The following TBC1D5 variants were observed in gnomAD, a reference collection of about 807,000 sequenced individuals.
The protein encoded by TBC1D5 is TBC1 domain family, member 5.
In TBC1D5, 75 loss-of-function variants were observed where a neutral mutation model predicts 100.3. The observed-to-expected ratio is 0.75, with a 90% CI of 0.62 to 0.91. The LOEUF is 0.91. Ranked by LOEUF, TBC1D5 falls within the 40% of genes least tolerant of loss-of-function variation. TBC1D5 has a pLI of 0.00. For synonymous variants in TBC1D5, 323 were observed against 325.6 expected (o/e 0.99, Z 0.09); for missense variants, 910 against 942.4 (o/e 0.97, Z 0.45).
chr3:17,634,505 T>C (rs1281170898), intron 1 of TBC1D5, among the ~76,000 whole-genome samples: 1 of 152,042 alleles, frequency 6.6e-6, no homozygotes, highest in Non-Finnish European at 1.5e-5. Flanking sequence ...TTCTCACTTA[T>C]TTGTGGGATC....
chr3:17,217,808 G>GT (rs1286217769), intron 17 of TBC1D5, among the ~76,000 whole-genome samples: 3 of 151,996 alleles, frequency 2.0e-5, no homozygotes. Context: ...TCTGTTCTGT[G>GT]TATATCTTTT....
intron 1 of TBC1D5, among the ~76,000 whole-genome samples, chr3:17,724,422 TTGAGA>T (rs2075956461): frequency 6.6e-6 from 1 of 152,126 alleles, no homozygotes; most frequent in Non-Finnish European, 1.5e-5. Flanking sequence ...TTCCAGCACA[TTGAGA>T]TATCACTCCA....
intron 9 of TBC1D5, 101 bp downstream of exon 9, chr3:17,383,812 A>C: frequency 1.2e-6 from 1 of 862,250 alleles, no homozygotes; most frequent in Non-Finnish European, 1.8e-6. Context: ...ATTATGATAC[A>C]ACTTTGGATA....
chr3:17,373,648 A>G (rs957228769), intron 12 of TBC1D5, among the ~76,000 whole-genome samples: 1 of 152,198 alleles, frequency 6.6e-6, no homozygotes, highest in Non-Finnish European at 1.5e-5. Flanking sequence ...AAAATGTGGT[A>G]TATCTATATA....
intron 3 of TBC1D5, among the ~76,000 whole-genome samples, chr3:17,473,359 A>G (rs142264200): frequency 6.6e-5 from 10 of 152,368 alleles, no homozygotes; most frequent in Middle Eastern, 3.4e-3. Context: ...ATTTTAAAAT[A>G]TGTGACTTTG....
intron 13 of TBC1D5, among the ~76,000 whole-genome samples, chr3:17,367,082 G>A (rs1472767012): frequency 6.6e-6 from 1 of 152,152 alleles, no homozygotes; most frequent in African/African-American, 2.4e-5. Flanking sequence ...ATATCCCACA[G>A]ATGCCTATTA....
intron 2 of TBC1D5, among the ~76,000 whole-genome samples, chr3:17,599,309 C>G (rs903469197): frequency 4.6e-5 from 7 of 152,080 alleles, no homozygotes; most frequent in Admixed American, 1.3e-4. Context: ...ATAAAACCCC[C>G]CAAACTCCAC....
In TBC1D5 at chr3:17,251,475, C is replaced by T. The variant is rs887536698; in HGVS notation, c.1331+7031G>A. Among the ~76,000 whole-genome samples the T allele has an allele frequency of 2.3e-5, 3 of 130,638 alleles. No homozygotes were observed. The East Asian group carries it at 8.2e-4, about 36-fold the overall frequency. The allele number at this position is 130,638 out of a possible 152,430, so 85.7% of individuals were successfully genotyped here. On this transcript the variant is annotated intron_variant, in intron 16 of 21. Transcript: ENST00000253692. ...TTAGAAGTGGAGGTTAGACAAGAGA[C>T]AGGCACACATATGGAAAGCAGGCGG...
intron 2 of TBC1D5, among the ~76,000 whole-genome samples, chr3:17,593,819 C>T (rs1273537147): frequency 2.6e-5 from 4 of 152,168 alleles, no homozygotes; most frequent in Admixed American, 2.0e-4. Context: ...ACAATTACAA[C>T]GCCAACTAGG....
At chr3:17,581,176 C>T (rs1426247939) in intron 2 of TBC1D5, among the ~76,000 whole-genome samples, 2 of 152,186 alleles carry the variant, frequency 1.3e-5, no homozygotes, top group Non-Finnish European at 2.9e-5. Context: ...TGCCATGTAA[C>T]ACAGGTCTTT....
chr3:17,160,120 A>ATATC (rs1341235708), exon 22 of TBC1D5: 1 of 152,230 alleles, frequency 6.6e-6, no homozygotes, highest in Non-Finnish European at 1.5e-5. Flanking sequence ...TAATATTCTT[A>ATATC]TATCTTTTGA....
At chr3:17,269,571 T>C (rs2079175070) in intron 15 of TBC1D5, among the ~76,000 whole-genome samples, 1 of 152,136 alleles carries the variant, frequency 6.6e-6, no homozygotes, top group Non-Finnish European at 1.5e-5. Context: ...AGGTTTGGGC[T>C]TCTATTAATC....
At position 17,551,750 on chromosome 3, in the gene TBC1D5, T is replaced by G. The variant is rs764029926; in HGVS notation, c.-35-43145A>C. Among the ~76,000 whole-genome samples, 38 of 152,136 alleles carry G rather than the reference T, an allele frequency of 2.5e-4. 1 individual carries two copies. The highest frequency in any genetic ancestry group is 2.5e-3 in the Admixed American group (38 of 15,268). On this transcript the variant is annotated intron_variant, in intron 2 of 21. Transcript: ENST00000253692. The stretch of plus-strand genomic sequence containing the variant: ...TGGGCCATTGTTCTCTGAACACAGA[T>G]GTTGAAAACAACAAGCAATTTTTAT...
chr3:17,740,530 A>G (rs2077341061), exon 1 of TBC1D5: 1 of 152,200 alleles, frequency 6.6e-6, no homozygotes, highest in African/African-American at 2.4e-5. Flanking sequence ...AAAAAGAAAA[A>G]AATTAAAAGT....
At chr3:17,583,053 C>T (rs1004690916) in intron 2 of TBC1D5, among the ~76,000 whole-genome samples, 4 of 151,956 alleles carry the variant, frequency 2.6e-5, no homozygotes, top group African/African-American at 7.3e-5. Context: ...AAGAGACCAA[C>T]GTAGGTGGAT....
chr3:17,703,992 G>A (rs1334548363), intron 1 of TBC1D5, among the ~76,000 whole-genome samples: 1 of 143,098 alleles, frequency 7.0e-6, no homozygotes, highest in Non-Finnish European at 1.5e-5. Flanking sequence ...AGGGTCATGG[G>A]ACAATAGTGG....
At chr3:17,270,611 G>T (rs1181598131) in intron 15 of TBC1D5, among the ~76,000 whole-genome samples, 3 of 152,136 alleles carry the variant, frequency 2.0e-5, no homozygotes, top group East Asian at 1.9e-4. Context: ...GCTGTGCAGA[G>T]CCCTTTAGTT....
chr3:17,478,061 T>C (rs1316019407), intron 3 of TBC1D5, among the ~76,000 whole-genome samples: 4 of 152,186 alleles, frequency 2.6e-5, no homozygotes, highest in African/African-American at 7.2e-5. Context: ...GACCTCACTA[T>C]ACCTTTTCAT....
intron 2 of TBC1D5, among the ~76,000 whole-genome samples, chr3:17,577,780 T>C (rs1211264520): frequency 1.3e-5 from 2 of 152,038 alleles, no homozygotes; most frequent in East Asian, 3.8e-4. Flanking sequence ...ACCCTGAATG[T>C]TCAATGCCTT....
Sources: allele counts gnomAD v4.1 joint callset (sites outside exome capture counted in the v4.1 genomes callset), GRCh38; gene constraint gnomAD v4.1.1; transcripts MANE v1.5; gene names NCBI Gene and HGNC (gene_info 2026-07-23, HGNC 2026-07-21).